Variants in LAMA2 observed in about 807,000 individuals in gnomAD.
LAMA2 encodes the protein laminin subunit alpha 2, also known as laminin subunit alpha-2.
Under a neutral mutation model 364.8 loss-of-function variants are expected in LAMA2, and 269 were observed. The ratio of observed to expected loss-of-function variants is 0.74; its 90% CI spans 0.67 to 0.82. The LOEUF (loss-of-function observed/expected upper bound fraction) is 0.82, where lower values mean the gene tolerates loss of function less well. LAMA2 is among the 40% of genes least tolerant of loss of function. The pLI is 0.00. For missense variants in LAMA2, 3,807 were observed against 3,873.2 expected, an observed-to-expected ratio of 0.98 and a Z score of 0.45; for synonymous variants, 1,379 against 1,370.6, an observed-to-expected ratio of 1.01 and a Z score of -0.14.
chr6:129,428,102 G>T (rs1004628183), intron 41 of LAMA2, among the ~76,000 whole-genome samples: 2 of 152,132 alleles, frequency 1.3e-5, no homozygotes, highest in Admixed American at 6.6e-5. Context: ...TATATCTAAT[G>T]TATAGTAACT....
chr6:129,360,505 C>T (rs1198545381), intron 32 of LAMA2, among the ~76,000 whole-genome samples: 1 of 152,066 alleles, frequency 6.6e-6, no homozygotes, highest in Non-Finnish European at 1.5e-5. Context: ...TGAAAAAATC[C>T]CCATGGCTGT....
At chr6:129,321,344 C>G (rs1774954515) in intron 28 of LAMA2, among the ~76,000 whole-genome samples, 1 of 152,136 alleles carries the variant, frequency 6.6e-6, no homozygotes, top group South Asian at 2.1e-4. Flanking sequence ...CTCGACTTCA[C>G]CATACAGTAA....
At chr6:129,431,134 C>T (rs1329228477) in intron 41 of LAMA2, among the ~76,000 whole-genome samples, 1 of 151,864 alleles carries the variant, frequency 6.6e-6, no homozygotes, top group African/African-American at 2.4e-5. Flanking sequence ...TGCGGTGGCT[C>T]GCACCTGTAA....
chr6:129,240,314 C>G (rs1205378537), intron 12 of LAMA2, among the ~76,000 whole-genome samples: 2 of 152,310 alleles, frequency 1.3e-5, no homozygotes, highest in East Asian at 3.9e-4. Flanking sequence ...CCCTCACAGA[C>G]ACACTCAGGT....
intron 51 of LAMA2, among the ~76,000 whole-genome samples, 159 bp from the exon 52 acceptor site, chr6:129,473,055 T>C (rs1218059441): frequency 6.6e-6 from 1 of 152,006 alleles, no homozygotes; most frequent in Non-Finnish European, 1.5e-5. Flanking sequence ...TTATTGATGT[T>C]ATTTCTGTAA....
At position 129,079,559 on chromosome 6, in the gene LAMA2, T is replaced by TC. The variant is rs1169768851; in HGVS notation, c.397-18614_397-18613insC. On this transcript the variant is annotated intron_variant, in intron 3 of 64. Coordinates refer to ENST00000421865, the MANE Select transcript of LAMA2 (RefSeq NM_000426.4). ...TGCCAACACTTCTTTTTCTGTTTTT[T>TC]TTTTTTTCTTTTTAAATAGTTAGCA... Among the ~76,000 whole-genome samples the TC allele has an allele frequency of 8.6e-5, 13 of 151,952 alleles. No individual in the cohort carries two copies. In the East Asian group the frequency reaches 1.7e-3, roughly 20 times the overall value.
At chr6:128,911,191 T>A (rs910275902) in intron 1 of LAMA2, among the ~76,000 whole-genome samples, 2 of 152,154 alleles carry the variant, frequency 1.3e-5, no homozygotes, top group Non-Finnish European at 2.9e-5. Context: ...GGCTGCTTTG[T>A]TTACCTAATC....
intron 1 of LAMA2, among the ~76,000 whole-genome samples, chr6:128,953,017 A>G (rs1366000239): frequency 2.0e-5 from 3 of 152,186 alleles, no homozygotes; most frequent in Non-Finnish European, 4.4e-5. Flanking sequence ...AGCAGTTTAA[A>G]TCGGAGGAGG....
At chr6:128,995,503 T>C (rs555110263) in intron 1 of LAMA2, among the ~76,000 whole-genome samples, 38 of 152,296 alleles carry the variant, frequency 2.5e-4, no homozygotes, top group African/African-American at 8.9e-4. Context: ...TTTGTATTTT[T>C]AGTAGAGACA....
At chr6:129,035,301 C>CTTTTT (rs546836712) in intron 1 of LAMA2, among the ~76,000 whole-genome samples, 3 of 129,484 alleles carry the variant, frequency 2.3e-5, no homozygotes, top group Admixed American at 7.6e-5. Flanking sequence ...CTTTTCTTTT[C>CTTTTT]TTTTTTTTTT....
intron 40 of LAMA2, among the ~76,000 whole-genome samples, chr6:129,417,891 G>T (rs1342117173): frequency 3.3e-5 from 5 of 152,170 alleles, no homozygotes; most frequent in African/African-American, 4.8e-5. Flanking sequence ...GAGAGACCAG[G>T]AAGAAGGAGC....
At chr6:129,451,627 G>A (rs9402134) in intron 45 of LAMA2, among the ~76,000 whole-genome samples, 22,582 of 152,080 alleles carry the variant, frequency 0.15, 1,778 homozygotes, top group East Asian at 0.21. Context: ...TGACTTATGC[G>A]GTCTGTGGGA....
At chr6:129,110,504 T>C (rs1776090703) in intron 4 of LAMA2, among the ~76,000 whole-genome samples, 2 of 152,208 alleles carry the variant, frequency 1.3e-5, no homozygotes, top group South Asian at 4.1e-4. Context: ...GATTAATGGA[T>C]TAACTATTGT....
At chr6:129,048,477 TTTCTTTCTTTCTTTCTTTCCTTCC>T (rs1216149114) in intron 1 of LAMA2, among the ~76,000 whole-genome samples, 37 of 67,908 alleles carry the variant, frequency 5.4e-4, no homozygotes, top group Admixed American at 9.1e-4. Context: ...TCTTTCTTTC[TTTCTTTCTTTCTTTCTTTCCTTCC>T]TTCCTTCCTT....
At chr6:129,167,511 A>G (rs1231581014) in intron 9 of LAMA2, among the ~76,000 whole-genome samples, 3 of 152,050 alleles carry the variant, frequency 2.0e-5, no homozygotes, top group African/African-American at 4.8e-5. Context: ...TTATGGCTGC[A>G]TAGTATTCCA....
chr6:129,039,701 C>G (rs529623651), intron 1 of LAMA2, among the ~76,000 whole-genome samples: 8 of 152,170 alleles, frequency 5.3e-5, no homozygotes, highest in Non-Finnish European at 1.0e-4. Flanking sequence ...CAGGATGAAA[C>G]TGTTCCACCT....
At chr6:129,156,689 G>A (rs765117994) in intron 8 of LAMA2, among the ~76,000 whole-genome samples, 4 of 152,018 alleles carry the variant, frequency 2.6e-5, no homozygotes, top group African/African-American at 9.7e-5. Flanking sequence ...ACTTAGGAGA[G>A]GATGTTTTCC....
At position 129,516,461 on chromosome 6, in the gene LAMA2, A is replaced by C; in HGVS notation, c.*114A>C. On this transcript the variant is annotated 3_prime_UTR_variant, in exon 65 of 65. Transcript: ENST00000421865. ...AAACTAATTTGTGCATGTACATAGA[A>C]TTCTTTCTGTATTCAGATGGTGCTA... is the stretch of plus-strand genomic sequence containing the variant. The C allele has an allele frequency of 9.2e-7, 1 of 1,088,752 alleles. No homozygotes were observed. The highest frequency in any genetic ancestry group is 1.3e-5 in the South Asian group (1 of 74,100). 67.4% of individuals were successfully genotyped at this position (1,088,752 alleles called of 1,614,324 possible). A position where few individuals can be genotyped will look rare whatever the true frequency, so the allele number is the denominator to read the frequency against.
At chr6:129,432,588 T>A (rs1781650827) in intron 41 of LAMA2, among the ~76,000 whole-genome samples, 2 of 152,098 alleles carry the variant, frequency 1.3e-5, no homozygotes, top group African/African-American at 4.8e-5. Context: ...AGACCAGAAA[T>A]AAACAGAAAT....
Sources: allele counts gnomAD v4.1 joint callset (sites outside exome capture counted in the v4.1 genomes callset), GRCh38; gene constraint gnomAD v4.1.1; transcripts MANE v1.5; gene names NCBI Gene and HGNC (gene_info 2026-07-23, HGNC 2026-07-21).